PLXDC2: variants seen among roughly 807,000 people sequenced by gnomAD.
PLXDC2 encodes plexin domain containing 2.
In PLXDC2, 40 loss-of-function variants were observed where a neutral mutation model predicts 68.9. That is an observed-to-expected ratio of 0.58 (90% CI 0.45 to 0.76). The LOEUF (loss-of-function observed/expected upper bound fraction) is 0.76. Ranked by LOEUF, PLXDC2 falls within the 30% of genes least tolerant of loss-of-function variation. The pLI, the probability that PLXDC2 is intolerant of heterozygous loss-of-function variation, is 0.00. For synonymous variants in PLXDC2, 243 were observed against 234.2 expected, an observed-to-expected ratio of 1.04 and a Z score of -0.34; for missense variants, 644 against 661.9, an observed-to-expected ratio of 0.97 and a Z score of 0.30.
intron 13 of PLXDC2, among the ~76,000 whole-genome samples, chr10:20,262,116 G>A (rs1287336772): frequency 2.0e-5 from 3 of 151,956 alleles, no homozygotes; most frequent in African/African-American, 4.8e-5. Flanking sequence ...ATAGGACAAC[G>A]GCCCACCTGG....
intron 4 of PLXDC2, among the ~76,000 whole-genome samples, chr10:20,090,170 C>T (rs577879554): frequency 1.3e-5 from 2 of 152,326 alleles, no homozygotes; most frequent in South Asian, 4.1e-4. Context: ...ATATGTCTAT[C>T]TTATGCCATG....
chr10:20,148,307 G>A (rs1834106032), intron 6 of PLXDC2, among the ~76,000 whole-genome samples: 2 of 149,786 alleles, frequency 1.3e-5, no homozygotes, highest in African/African-American at 4.9e-5. Context: ...TTATATTTTG[G>A]TTCTAATTTC....
intron 4 of PLXDC2, among the ~76,000 whole-genome samples, chr10:20,101,691 C>G (rs1483306470): frequency 6.6e-6 from 1 of 152,148 alleles, no homozygotes; most frequent in African/African-American, 2.4e-5. Flanking sequence ...GACCTGCATT[C>G]TTGACCTCTT....
chr10:20,083,261 G>A (rs1836607072), intron 4 of PLXDC2, among the ~76,000 whole-genome samples: 2 of 151,858 alleles, frequency 1.3e-5, no homozygotes, highest in Non-Finnish European at 2.9e-5. Context: ...GGATCACCAG[G>A]TCAGGAGATT....
At chr10:20,046,687 A>C (rs924371899) in intron 2 of PLXDC2, among the ~76,000 whole-genome samples, 182 bp from the exon 3 acceptor site, 5 of 152,176 alleles carry the variant, frequency 3.3e-5, no homozygotes, top group South Asian at 4.1e-4. Context: ...TTTTTCTTAC[A>C]GTTCGTATGT....
intron 1 of PLXDC2, among the ~76,000 whole-genome samples, chr10:19,830,275 C>A (rs1238831725): frequency 6.6e-6 from 1 of 152,174 alleles, no homozygotes; most frequent in Non-Finnish European, 1.5e-5. Flanking sequence ...ACAAAAGAAT[C>A]AATACAATCT....
At chr10:19,825,051 C>A (rs1836545457) in intron 1 of PLXDC2, among the ~76,000 whole-genome samples, 1 of 152,094 alleles carries the variant, frequency 6.6e-6, no homozygotes, top group Admixed American at 6.5e-5. Context: ...TTACCTTACC[C>A]TTCAAATTAA....
chr10:20,146,449 T>TCC lies in PLXDC2; in HGVS notation c.665-1335_665-1334insCC, dbSNP rs1158695895. Among the ~76,000 whole-genome samples the TCC allele has an allele frequency of 9.0e-4, 133 of 147,774 alleles. 1 individual carries two copies. The highest frequency in any genetic ancestry group is 1.6e-3 in the Non-Finnish European group (105 of 66,120). On this transcript the variant is annotated intron_variant, in intron 5 of 13. Transcript: ENST00000377252. Reference sequence around the variant, plus strand: ...TCTTTCTTTTTCTTTCTTTCTTCCTTTCTTCCTTCCTTCCTTCCTTTCTTT... The same window carrying TCC: ...TCTTTCTTTTTCTTTCTTTCTTCCTTCCTCTTCCTTCCTTCCTTCCTTTCTTT...
intron 4 of PLXDC2, among the ~76,000 whole-genome samples, chr10:20,124,601 C>A (rs904564791): frequency 6.6e-6 from 1 of 151,968 alleles, no homozygotes; most frequent in African/African-American, 2.4e-5. Flanking sequence ...TTTATTTCAC[C>A]TGGGTGCAGG....
chr10:20,157,509 G>A (rs926010559), intron 6 of PLXDC2, among the ~76,000 whole-genome samples: 1 of 152,134 alleles, frequency 6.6e-6, no homozygotes, highest in Non-Finnish European at 1.5e-5. Context: ...TTACTTAAGC[G>A]GCATGCTGTT....
At chr10:20,054,279 A>G (rs916554083) in intron 3 of PLXDC2, among the ~76,000 whole-genome samples, 3 of 152,058 alleles carry the variant, frequency 2.0e-5, no homozygotes, top group African/African-American at 7.2e-5. Flanking sequence ...GGATGGTCAG[A>G]TAGCAAGGGT....
At chr10:19,882,841 A>G (rs7087684) in intron 1 of PLXDC2, among the ~76,000 whole-genome samples, 41,024 of 152,052 alleles carry the variant, frequency 0.27, 5,552 homozygotes, top group East Asian at 0.38. Context: ...AATAAAATGA[A>G]ACCACCATTA....
intron 1 of PLXDC2, among the ~76,000 whole-genome samples, chr10:19,874,490 T>C (rs1007401904): frequency 6.6e-5 from 10 of 152,128 alleles, no homozygotes; most frequent in African/African-American, 9.6e-5. Context: ...GTAAAAGACA[T>C]TGTAATGTGT....
intron 1 of PLXDC2, among the ~76,000 whole-genome samples, chr10:19,880,182 T>C (rs1837702205): frequency 6.6e-6 from 1 of 152,204 alleles, no homozygotes. Context: ...AGTTGAATAG[T>C]GATACTTAAA....
intron 1 of PLXDC2, among the ~76,000 whole-genome samples, chr10:19,869,529 C>G (rs1365970772): frequency 1.3e-5 from 2 of 150,640 alleles, no homozygotes; most frequent in African/African-American, 4.9e-5. Flanking sequence ...TTTCTCTAAG[C>G]CAACATTTTT....
chr10:19,946,205 G>A (rs1192355795), intron 1 of PLXDC2, among the ~76,000 whole-genome samples: 1 of 152,144 alleles, frequency 6.6e-6, no homozygotes, highest in Non-Finnish European at 1.5e-5. Context: ...AATTCTAGAT[G>A]TCACTGCCTG....
rs557413102 is a variant in PLXDC2 at position 20,022,549 on chromosome 10, G to A, written c.324+20563G>A. ...TCTGTGGCCATTATTTGTATCATGG[G>A]TAGCTTGATCCTCAGAGCACCTTGC... On this transcript the variant is annotated intron_variant, in intron 2 of 13. Coordinates refer to ENST00000377252, the MANE Select transcript of PLXDC2 (RefSeq NM_032812.9). 1.2e-4 allele frequency among the ~76,000 whole-genome samples: 18 copies of A among 152,236 alleles called. No individual in the cohort carries two copies. The East Asian group carries it at 3.3e-3, about 28-fold the overall frequency.
At chr10:20,273,242 T>C (rs545501695) in intron 13 of PLXDC2, among the ~76,000 whole-genome samples, 2 of 152,354 alleles carry the variant, frequency 1.3e-5, no homozygotes, top group South Asian at 2.1e-4. Context: ...TCCCGTTTTT[T>C]ATGGCAATAT....
At chr10:20,106,251 T>C (rs909665094) in intron 4 of PLXDC2, among the ~76,000 whole-genome samples, 1 of 152,124 alleles carries the variant, frequency 6.6e-6, no homozygotes, top group African/African-American at 2.4e-5. Flanking sequence ...GACTCATGGG[T>C]TGAATTATAA....
Sources: allele counts gnomAD v4.1 joint callset (sites outside exome capture counted in the v4.1 genomes callset), GRCh38; gene constraint gnomAD v4.1.1; transcripts MANE v1.5; gene names NCBI Gene and HGNC (gene_info 2026-07-23, HGNC 2026-07-21).